The following ATP10B variants were observed in gnomAD, a reference collection of about 807,000 sequenced individuals.
ATP10B encodes phospholipid-transporting ATPase VB.
A neutral mutation model predicts 141.2 loss-of-function variants in ATP10B; 122 were observed. The ratio of observed to expected loss-of-function variants is 0.86; its 90% CI spans 0.75 to 1.00. The LOEUF is 1.00. Among genes scored for constraint, ATP10B ranks in the 50% least tolerant of loss-of-function variants. The probability of loss-of-function intolerance (pLI) is 0.00; values close to 1 mark genes in which losing one functional copy is unlikely to be tolerated. For missense variants in ATP10B, 1,876 were observed against 1,825.3 expected, an observed-to-expected ratio of 1.03 and a Z score of -0.51; for synonymous variants, 685 against 692.0, an observed-to-expected ratio of 0.99 and a Z score of 0.16.
upstream of ATP10B, among the ~76,000 whole-genome samples, chr5:160,853,754 T>C (rs28535930): frequency 0.012 from 1,882 of 152,294 alleles, 39 homozygotes; most frequent in African/African-American, 0.043. Context: ...TGACACTGTC[T>C]GGCTAATTAG....
chr5:160,797,009 AAT>A (rs1191117374), intron 1 of ATP10B, among the ~76,000 whole-genome samples: 1 of 152,162 alleles, frequency 6.6e-6, no homozygotes, highest in Non-Finnish European at 1.5e-5. Context: ...TTCCACATAC[AAT>A]CTGTTCCAGC....
rs376724032 is a variant in ATP10B at position 160,599,001 on chromosome 5, G to A, written c.3364-31C>T. ...GGCAGAGAGCATGGCCTTGTGAGTG[G>A]GGCTCCATGTGCAGCCGGTCACCAG... On this transcript the variant is annotated intron_variant, in intron 21 of 25. Coordinates refer to ENST00000327245, the MANE Select transcript of ATP10B (RefSeq NM_025153.3). 5.0e-6 allele frequency: 8 copies of A among 1,608,482 alleles called. No individual in the cohort carries two copies. In the African/African-American group the frequency reaches 5.3e-5, roughly 11 times the overall value.
rs188996202 is a variant in ATP10B, at chr5:160,606,515, G to A, written c.3160+250C>T. On this transcript the variant is annotated intron_variant, in intron 19 of 25. Coordinates refer to ENST00000327245, the MANE Select transcript of ATP10B (RefSeq NM_025153.3). The stretch of plus-strand genomic sequence containing the variant: ...TGGATTCACTGAATTCAAGGCCCCT[G>A]TTGGTTTTGACCTCCATCTAAACCC... Among the ~76,000 whole-genome samples the A allele has an allele frequency of 6.1e-3, 932 of 152,302 alleles. 7 individuals are homozygous for A. The highest frequency in any genetic ancestry group is 8.7e-3 in the Non-Finnish European group (591 of 68,030).
chr5:160,616,380 C>T (rs184823289), intron 16 of ATP10B, among the ~76,000 whole-genome samples: 8 of 152,290 alleles, frequency 5.3e-5, no homozygotes, highest in East Asian at 3.9e-4. Flanking sequence ...TAGGTTTCCT[C>T]GACAAAATGA....
At chr5:160,830,294 T>A (rs1201161957) in intron 1 of ATP10B, among the ~76,000 whole-genome samples, 1 of 152,160 alleles carries the variant, frequency 6.6e-6, no homozygotes, top group Non-Finnish European at 1.5e-5. Flanking sequence ...GTTCTATTTT[T>A]AAAAATATTC....
At chr5:160,718,807 T>C (rs1245983968) in intron 2 of ATP10B, among the ~76,000 whole-genome samples, 1 of 152,064 alleles carries the variant, frequency 6.6e-6, no homozygotes, top group African/African-American at 2.4e-5. Context: ...AGACCCCACC[T>C]CCCATACTGC....
Position 160,761,617 on chromosome 5 carries a change from G to A in ATP10B, c.-331+23942C>T, listed in dbSNP as rs114001241. On this transcript the variant is annotated intron_variant, in intron 2 of 25. Coordinates refer to ENST00000327245, the MANE Select transcript of ATP10B (RefSeq NM_025153.3). ...AAGTTTTAGACCTTCCCACTGAAAC[G>A]GTCTACCCAAATGAGAAGGGACCAG... Among the ~76,000 whole-genome samples the A allele has an allele frequency of 4.2e-3, 635 of 152,186 alleles. 2 individuals are homozygous for A. Among genetic ancestry groups the A allele is most frequent in the African/African-American group, 0.014 (563 of 41,514 alleles).
chr5:160,677,257 C>A (rs114470439), intron 6 of ATP10B, among the ~76,000 whole-genome samples: 3 of 152,138 alleles, frequency 2.0e-5, no homozygotes, highest in African/African-American at 7.2e-5. Context: ...AAGCTGAATT[C>A]GCCCAAATGG....
chr5:160,592,972 C>T (rs2127614720), intron 22 of ATP10B, among the ~76,000 whole-genome samples: 1 of 152,354 alleles, frequency 6.6e-6, no homozygotes, highest in Non-Finnish European at 1.5e-5. Flanking sequence ...CTGTAGGCTC[C>T]ACCTCTGGGG....
chr5:160,890,421 C>T, the ATP10B span, among the ~76,000 whole-genome samples: 84 of 152,240 alleles, frequency 5.5e-4, no homozygotes, highest in Admixed American at 2.7e-3. Flanking sequence ...GAAAGAAACC[C>T]TCCCCATTAA....
chr5:160,879,604 C>T, the ATP10B span, among the ~76,000 whole-genome samples: 1 of 151,032 alleles, frequency 6.6e-6, no homozygotes, highest in Non-Finnish European at 1.5e-5. Flanking sequence ...TTTGGGAGGC[C>T]AAGGTGGGTG....
chr5:160,721,748 C>G (rs1766013288), intron 2 of ATP10B, among the ~76,000 whole-genome samples: 1 of 152,150 alleles, frequency 6.6e-6, no homozygotes, highest in Non-Finnish European at 1.5e-5. Context: ...CTTTATATTC[C>G]CCGATTACTA....
chr5:160,825,301 T>C (rs1055333704), intron 1 of ATP10B, among the ~76,000 whole-genome samples: 13 of 152,336 alleles, frequency 8.5e-5, no homozygotes, highest in Non-Finnish European at 1.9e-4. Context: ...TCCTTCATGT[T>C]GTGGGAGAAA....
chr5:160,921,380 G>A, the ATP10B span, among the ~76,000 whole-genome samples: 1 of 151,294 alleles, frequency 6.6e-6, no homozygotes, highest in African/African-American at 2.4e-5. Context: ...ACTTTTACCA[G>A]TTTAAACATT....
the ATP10B span, among the ~76,000 whole-genome samples, chr5:160,908,742 CATG>C: frequency 6.6e-6 from 1 of 152,136 alleles, no homozygotes; most frequent in African/African-American, 2.4e-5. Context: ...TGGTTATCAT[CATG>C]ATAATGATTT....
At chr5:160,747,048 A>G (rs943931477) in intron 2 of ATP10B, among the ~76,000 whole-genome samples, 2 of 152,218 alleles carry the variant, frequency 1.3e-5, no homozygotes, top group East Asian at 1.9e-4. Flanking sequence ...CATTTCACAT[A>G]GAAATCTGGA....
chr5:160,873,404 G>A, the ATP10B span, among the ~76,000 whole-genome samples: 1 of 152,088 alleles, frequency 6.6e-6, no homozygotes, highest in East Asian at 1.9e-4. Flanking sequence ...ATGCAATAAA[G>A]ACAACATAAT....
At chr5:160,773,341 G>A (rs1770046563) in intron 2 of ATP10B, among the ~76,000 whole-genome samples, 1 of 152,196 alleles carries the variant, frequency 6.6e-6, no homozygotes, top group African/African-American at 2.4e-5. Flanking sequence ...GATGCCGAGA[G>A]CCTGAAAACA....
chr5:160,687,702 T>C, intron 5 of ATP10B, 98 bp downstream of exon 5: 1 of 1,352,666 alleles, frequency 7.4e-7, no homozygotes, highest in South Asian at 1.4e-5. Context: ...GAGGTGAAGG[T>C]TGCAGTGAGC....
Sources: gnomAD v4.1 joint callset for allele counts (sites outside exome capture counted in the v4.1 genomes callset) on GRCh38, gnomAD v4.1.1 for gene constraint, MANE v1.5 for transcripts, NCBI Gene and HGNC (gene_info 2026-07-23, HGNC 2026-07-21) for gene names.